Variants in C4orf36 observed in about 807,000 individuals in gnomAD.
C4orf36 encodes chromosome 4 open reading frame 36, also known as uncharacterized protein C4orf36.
Under a neutral mutation model 12.2 loss-of-function variants are expected in C4orf36, and 11 were observed. The ratio of observed to expected loss-of-function variants is 0.90; its 90% CI spans 0.57 to 1.49. The LOEUF (loss-of-function observed/expected upper bound fraction) is 1.49. Ranked by LOEUF, C4orf36 falls within the 40% of genes most tolerant of loss-of-function variation. The pLI is 0.00. For missense variants in C4orf36, 137 were observed against 133.9 expected (o/e 1.02, Z -0.11); for synonymous variants, 54 against 51.3 (o/e 1.05, Z -0.22).
chr4:86,884,020 C>G (rs534014847), intron 4 of C4orf36, among the ~76,000 whole-genome samples: 5 of 152,016 alleles, frequency 3.3e-5, no homozygotes, highest in African/African-American at 1.2e-4. Context: ...ACCAGAAGAT[C>G]CTAAAATGCC....
chr4:86,891,175 G>C (rs1312088307), intron 2 of C4orf36, among the ~76,000 whole-genome samples: 1 of 151,520 alleles, frequency 6.6e-6, no homozygotes, highest in Non-Finnish European at 1.5e-5. Context: ...TCTAGCCTTT[G>C]CATTTCCTTA....
rs759743193 is a variant in C4orf36 at position 86,887,753 on chromosome 4, C to A, written c.*2+5G>T. 6 of 1,614,018 alleles carry A rather than the reference C, an allele frequency of 3.7e-6. No individual in the cohort carries two copies. The highest frequency in any genetic ancestry group is 5.1e-6 in the Non-Finnish European group (6 of 1,179,986). On this transcript the variant is annotated splice_donor_5th_base_variant and intron_variant, in intron 4 of 4. Transcript: ENST00000295898. ...CACAGAGTACAGATTCAATCATGAA[C>A]TGACTGTCATTTAGATGGAAGAGGT... is the stretch of plus-strand genomic sequence containing the variant.
the C4orf36 span, chr4:86,932,192 A>G: frequency 6.6e-6 from 1 of 151,912 alleles, no homozygotes; most frequent in East Asian, 1.9e-4. Context: ...TACTAAAAAT[A>G]CAAAATTAGC....
At chr4:86,890,240 A>AGGAAGGAAGGAAAGAG in intron 2 of C4orf36, 1 of 372,702 alleles carries the variant, frequency 2.7e-6, no homozygotes, top group Non-Finnish European at 5.5e-6. Context: ...GAAGGAAGGA[A>AGGAAGGAAGGAAAGAG]ACTGAGGTGC....
chr4:86,880,411 G>A (rs777053609), intron 4 of C4orf36, among the ~76,000 whole-genome samples: 13 of 151,920 alleles, frequency 8.6e-5, no homozygotes, highest in South Asian at 2.2e-4. Context: ...CCAAGATTGC[G>A]CCACTGCACT....
chr4:86,929,663 G>A, the C4orf36 span, among the ~76,000 whole-genome samples: 4 of 152,136 alleles, frequency 2.6e-5, no homozygotes, highest in African/African-American at 7.2e-5. Context: ...TTCTAGATAC[G>A]AACTCTCTGA....
the C4orf36 span, among the ~76,000 whole-genome samples, chr4:86,903,670 G>A: frequency 3.3e-5 from 5 of 152,182 alleles, no homozygotes; most frequent in Admixed American, 2.0e-4. Flanking sequence ...ACCCAAGCAA[G>A]TTGCCGCTGC....
chr4:86,924,898 C>T, the C4orf36 span: 4 of 152,188 alleles, frequency 2.6e-5, no homozygotes, highest in Admixed American at 2.0e-4. Context: ...TTACAGGAAG[C>T]ATGGTGCTGG....
intron 4 of C4orf36, among the ~76,000 whole-genome samples, chr4:86,884,369 A>G (rs1185396074): frequency 6.9e-6 from 1 of 145,532 alleles, no homozygotes; most frequent in African/African-American, 2.6e-5. Flanking sequence ...CAGTGGCATG[A>G]TCACAGCTCA....
the C4orf36 span, among the ~76,000 whole-genome samples, chr4:86,915,834 T>C: frequency 6.6e-6 from 1 of 152,028 alleles, no homozygotes. Context: ...TGGACTCAGA[T>C]ATACAAGGAA....
At chr4:86,933,868 A>C in the C4orf36 span, among the ~76,000 whole-genome samples, 1 of 152,206 alleles carries the variant, frequency 6.6e-6, no homozygotes, top group Non-Finnish European at 1.5e-5. Flanking sequence ...AGGTAAACCA[A>C]TCTCCCGATG....
chr4:86,909,914 A>G, the C4orf36 span, among the ~76,000 whole-genome samples: 1 of 151,954 alleles, frequency 6.6e-6, no homozygotes, highest in East Asian at 1.9e-4. Flanking sequence ...AAAAAAAAAA[A>G]AAAGGTTATT....
At chr4:86,892,629 A>T (rs1162210626), upstream of C4orf36, among the ~76,000 whole-genome samples, 1 of 152,212 alleles carries the variant, frequency 6.6e-6, no homozygotes, top group Admixed American at 6.5e-5. Flanking sequence ...ACGCTTTCCA[A>T]TGTAGGGGGC....
upstream of C4orf36, among the ~76,000 whole-genome samples, chr4:86,896,491 A>C (rs548260488): frequency 6.6e-6 from 1 of 152,306 alleles, no homozygotes; most frequent in African/African-American, 2.4e-5. Context: ...ACAAAACAAC[A>C]CATCTGCAAA....
chr4:86,896,375 G>A (rs1027686553), upstream of C4orf36, among the ~76,000 whole-genome samples: 1 of 152,182 alleles, frequency 6.6e-6, no homozygotes, highest in Admixed American at 6.5e-5. Flanking sequence ...TTCAAAAAGT[G>A]ACATTTTCTT....
intron 2 of C4orf36, 68 bp from the exon 3 acceptor site, chr4:86,888,343 G>A: frequency 6.8e-7 from 1 of 1,465,948 alleles, no homozygotes; most frequent in Non-Finnish European, 9.4e-7. Flanking sequence ...AGATGTAGAA[G>A]ACATTAATTC....
upstream of C4orf36, among the ~76,000 whole-genome samples, chr4:86,895,780 C>T (rs911857393): frequency 6.6e-6 from 1 of 152,108 alleles, no homozygotes; most frequent in African/African-American, 2.4e-5. Context: ...TGTCTCTATA[C>T]CTATCTCTAT....
At chr4:86,890,514 A>G (rs1747367310) in intron 2 of C4orf36, among the ~76,000 whole-genome samples, 2 of 147,706 alleles carry the variant, frequency 1.4e-5, no homozygotes, top group African/African-American at 5.1e-5. Flanking sequence ...TAATAATAAT[A>G]ATAATGACAC....
Position 86,877,976 on chromosome 4 carries a change from G to A in C4orf36, c.*3-1533C>T, listed in dbSNP as rs561143902. ...GAGTATAAGTGAGATAAAATTGGCC[G>A]TGAGTTGATAAGTGCTGGAGCAAGG... On this transcript the variant is annotated intron_variant, in intron 4 of 4. Coordinates refer to ENST00000295898, the MANE Select transcript of C4orf36 (RefSeq NM_144645.4). Among the ~76,000 whole-genome samples, 113 of 152,296 alleles carry A rather than the reference G, an allele frequency of 7.4e-4. 1 individual carries two copies. The highest frequency in any genetic ancestry group is 2.6e-3 in the African/African-American group (106 of 41,552).
Sources: allele counts gnomAD v4.1 joint callset (sites outside exome capture counted in the v4.1 genomes callset), GRCh38; gene constraint gnomAD v4.1.1; transcripts MANE v1.5; gene names NCBI Gene and HGNC (gene_info 2026-07-23, HGNC 2026-07-21).